TINAG: variants seen among roughly 807,000 people sequenced by gnomAD.
TINAG encodes the protein tubulointerstitial nephritis antigen.
In TINAG, 83 loss-of-function variants were observed where a neutral mutation model predicts 72.7. The ratio of observed to expected loss-of-function variants is 1.14; its 90% CI spans 0.96 to 1.37. The LOEUF is 1.37. Among genes scored for constraint, TINAG ranks in the 40% most tolerant of loss-of-function variants. The pLI, the probability that TINAG is intolerant of heterozygous loss-of-function variation, is 0.00. For synonymous variants in TINAG, 234 were observed against 189.9 expected, an observed-to-expected ratio of 1.23 and a Z score of -1.91; for missense variants, 685 against 576.6, an observed-to-expected ratio of 1.19 and a Z score of -1.93.
At chr6:54,334,326 T>C (rs1349764049) in intron 4 of TINAG, among the ~76,000 whole-genome samples, 5 of 152,246 alleles carry the variant, frequency 3.3e-5, no homozygotes, top group African/African-American at 1.2e-4. Flanking sequence ...GATTATTGTT[T>C]CCTGTTGGAT....
chr6:54,350,009 AT>A (rs1785226285), intron 7 of TINAG, 113 bp downstream of exon 7: 5 of 664,646 alleles, frequency 7.5e-6, no homozygotes, highest in Non-Finnish European at 1.0e-5. Context: ...TAAAATAAAT[AT>A]TATATTTTCA....
chr6:54,366,472 A>T (rs755189584), intron 9 of TINAG, among the ~76,000 whole-genome samples: 9 of 151,496 alleles, frequency 5.9e-5, no homozygotes, highest in Admixed American at 1.3e-4. Context: ...CATTTGCTTA[A>T]TTTTTCAACA....
At chr6:54,358,377 T>G (rs1763122493) in intron 9 of TINAG, among the ~76,000 whole-genome samples, 1 of 151,852 alleles carries the variant, frequency 6.6e-6, no homozygotes, top group South Asian at 2.1e-4. Context: ...GTCTGTATTA[T>G]TTACTGAGGT....
chr6:54,383,763 A>G (rs1430400876), intron 10 of TINAG, among the ~76,000 whole-genome samples: 1 of 152,102 alleles, frequency 6.6e-6, no homozygotes, highest in African/African-American at 2.4e-5. Flanking sequence ...ATTTCAATCT[A>G]TAATTAGTTC....
intron 6 of TINAG, 79 bp downstream of exon 6, chr6:54,347,596 A>G (rs1299778565): frequency 1.4e-6 from 2 of 1,478,190 alleles, no homozygotes; most frequent in Non-Finnish European, 1.8e-6. Context: ...TAATCCCAAG[A>G]TTTTTACAAA....
At chr6:54,323,251 A>G (rs183844926) in intron 3 of TINAG, among the ~76,000 whole-genome samples, 3 of 152,348 alleles carry the variant, frequency 2.0e-5, no homozygotes, top group Admixed American at 1.3e-4. Context: ...GGAAACATAT[A>G]AAAACCAAAG....
chr6:54,311,575 C>G (rs1363337888), intron 1 of TINAG, among the ~76,000 whole-genome samples: 3 of 152,142 alleles, frequency 2.0e-5, no homozygotes, highest in Admixed American at 2.0e-4. Flanking sequence ...ATCAGTAAAA[C>G]GTGATTTCTC....
intron 10 of TINAG, among the ~76,000 whole-genome samples, chr6:54,385,523 T>A (rs553457568): frequency 6.6e-6 from 1 of 152,068 alleles, no homozygotes; most frequent in East Asian, 1.9e-4. Flanking sequence ...ACAGAGGAAT[T>A]CAGGCTCAAA....
chr6:54,374,033 A>G (rs1466007085), intron 9 of TINAG, among the ~76,000 whole-genome samples: 1 of 152,128 alleles, frequency 6.6e-6, no homozygotes, highest in African/African-American at 2.4e-5. Context: ...CAGTTCTCTC[A>G]GTTCTACAGC....
intron 9 of TINAG, among the ~76,000 whole-genome samples, chr6:54,378,587 CAAAAGT>C (rs1286579309): frequency 1.3e-5 from 2 of 152,006 alleles, no homozygotes; most frequent in African/African-American, 4.8e-5. Context: ...AGCAGTTGAA[CAAAAGT>C]AAAAGTAATA....
chr6:54,319,043 ATAAGTCAGCTAATACTCAGCTGAGTAT>A (rs1200082298), intron 1 of TINAG, among the ~76,000 whole-genome samples: 1 of 152,050 alleles, frequency 6.6e-6, no homozygotes, highest in Admixed American at 6.6e-5. Flanking sequence ...TTAGCTGAGT[ATAAGTCAGCTAATACTCAGCTGAGTAT>A]TAAGGTCTTT....
intron 9 of TINAG, among the ~76,000 whole-genome samples, chr6:54,368,187 T>C (rs1763492351): frequency 6.7e-6 from 1 of 149,556 alleles, no homozygotes; most frequent in South Asian, 2.1e-4. Context: ...ACTTTTATTC[T>C]AGATTTTTAA....
intron 4 of TINAG, among the ~76,000 whole-genome samples, chr6:54,342,835 A>G (rs1785030807): frequency 6.6e-6 from 1 of 152,204 alleles, no homozygotes; most frequent in African/African-American, 2.4e-5. Context: ...TCTCAGAATC[A>G]CATAAACTCT....
chr6:54,332,766 T>G (rs1784771052), intron 4 of TINAG, among the ~76,000 whole-genome samples: 1 of 151,874 alleles, frequency 6.6e-6, no homozygotes. Flanking sequence ...TTAAACAAAT[T>G]AACAAGAAAA....
intron 4 of TINAG, among the ~76,000 whole-genome samples, chr6:54,342,092 T>C (rs1469759154): frequency 1.4e-5 from 2 of 141,964 alleles, no homozygotes; most frequent in African/African-American, 2.5e-5. Context: ...TGAGAACACA[T>C]ATACACAACT....
intron 4 of TINAG, among the ~76,000 whole-genome samples, chr6:54,335,084 C>A (rs141497848): frequency 6.6e-4 from 100 of 152,234 alleles, no homozygotes; most frequent in African/African-American, 2.2e-3. Context: ...CCACGGTGGG[C>A]CACACACTCA....
chr6:54,350,323 T>G (rs1785235016), intron 7 of TINAG, among the ~76,000 whole-genome samples: 1 of 151,982 alleles, frequency 6.6e-6, no homozygotes, highest in Non-Finnish European at 1.5e-5. Flanking sequence ...GATTCTAGTT[T>G]GTCTGTTAAA....
chr6:54,362,529 C>T (rs1029169365), intron 9 of TINAG, among the ~76,000 whole-genome samples: 2 of 151,610 alleles, frequency 1.3e-5, no homozygotes, highest in African/African-American at 4.8e-5. Flanking sequence ...CACCTAATCA[C>T]CTAAGAGCTC....
intron 4 of TINAG, among the ~76,000 whole-genome samples, chr6:54,328,548 C>G (rs1325937029): frequency 1.3e-5 from 2 of 151,998 alleles, no homozygotes; most frequent in East Asian, 1.9e-4. Flanking sequence ...ATTCCAAAAA[C>G]CAGAATGCCT....
Sources: gnomAD v4.1 joint callset for allele counts (sites outside exome capture counted in the v4.1 genomes callset) on GRCh38, gnomAD v4.1.1 for gene constraint, MANE v1.5 for transcripts, NCBI Gene and HGNC (gene_info 2026-07-23, HGNC 2026-07-21) for gene names.